Variants in ARHGAP15 observed in about 807,000 individuals in gnomAD.
The protein encoded by ARHGAP15 is rho GTPase-activating protein 15.
A neutral mutation model predicts 63.7 loss-of-function variants in ARHGAP15; 51 were observed. That is an observed-to-expected ratio of 0.80 (90% confidence interval 0.64 to 1.01). ARHGAP15 has a LOEUF of 1.01. Ranked by LOEUF, ARHGAP15 falls within the 50% of genes least tolerant of loss-of-function variation. ARHGAP15 has a pLI of 0.00. For synonymous variants in ARHGAP15, 191 were observed against 193.8 expected (o/e 0.99, Z 0.12); for missense variants, 560 against 564.6 (o/e 0.99, Z 0.08).
chr2:143,328,715 C>T (rs1478256371), intron 6 of ARHGAP15, among the ~76,000 whole-genome samples: 2 of 152,022 alleles, frequency 1.3e-5, no homozygotes, highest in Non-Finnish European at 2.9e-5. Flanking sequence ...CACGTGTATC[C>T]CAGAACTTAA....
chr2:143,703,502 G>C lies in ARHGAP15; in HGVS notation c.1222G>C (p.Val408Leu). The change falls in exon 13 of 14, where the codon GTC becomes CTC. Residue 408 changes from valine to leucine, a missense_variant. Physicochemically the swap from Val to Leu is conservative, Grantham distance 32. Transcript: ENST00000295095. ...LPPPNRDTMK[V>L]LFGHLTKIVA... is the part of the protein sequence containing the mutation. ...TCCGCCAAATCGTGACACCATGAAA[G>C]TCCTCTTTGGACATCTAACTAAGTA... is the stretch of plus-strand genomic sequence containing the variant. 6.2e-7 allele frequency: 1 copy of C among 1,611,136 alleles called. No individual in the cohort carries two copies. The highest frequency in any genetic ancestry group is 8.5e-7 in the Non-Finnish European group (1 of 1,178,724).
intron 6 of ARHGAP15, among the ~76,000 whole-genome samples, chr2:143,328,454 G>C (rs1324886458): frequency 6.6e-6 from 1 of 152,052 alleles, no homozygotes; most frequent in African/African-American, 2.4e-5. Flanking sequence ...GGATGAAGCT[G>C]GAAACCATCA....
intron 11 of ARHGAP15, chr2:143,597,815 A>T (rs1697582475): frequency 6.6e-6 from 1 of 152,182 alleles, no homozygotes; most frequent in South Asian, 2.1e-4. Flanking sequence ...CTGCCATAAC[A>T]AAACACTTAA....
chr2:143,350,374 T>C (rs542611574), intron 6 of ARHGAP15, among the ~76,000 whole-genome samples: 28 of 152,266 alleles, frequency 1.8e-4, no homozygotes, highest in African/African-American at 6.0e-4. Context: ...CTCATGAACA[T>C]AAGAAAACTG....
intron 2 of ARHGAP15, among the ~76,000 whole-genome samples, chr2:143,195,217 C>A (rs745678902): frequency 9.9e-5 from 15 of 151,102 alleles, no homozygotes; most frequent in African/African-American, 3.4e-4. Context: ...AGCCCCCCTC[C>A]CAAAAAAAAA....
intron 5 of ARHGAP15, among the ~76,000 whole-genome samples, chr2:143,242,240 T>C (rs552157967): frequency 1.3e-5 from 2 of 152,278 alleles, no homozygotes; most frequent in African/African-American, 4.8e-5. Flanking sequence ...AGTCTGGTAT[T>C]CCAAGAAGGT....
At chr2:143,468,921 C>G (rs1242526980) in intron 8 of ARHGAP15, among the ~76,000 whole-genome samples, 2 of 152,288 alleles carry the variant, frequency 1.3e-5, no homozygotes, top group South Asian at 4.1e-4. Flanking sequence ...TCTCTAACTT[C>G]TCTGCCCAGA....
At chr2:143,721,061 CAA>C (rs60500194) in intron 13 of ARHGAP15, among the ~76,000 whole-genome samples, 6 of 78,432 alleles carry the variant, frequency 7.6e-5, no homozygotes, top group African/African-American at 1.8e-4. Flanking sequence ...GACTCCGTCT[CAA>C]AAAAAAAAAA....
Position 143,649,488 on chromosome 2 carries a change from G to C in ARHGAP15, c.1138+25221G>C, listed in dbSNP as rs188711306. ...TGGGAGTTTATAACGCAAATGTAAA[G>C]ATTTGCTATGGGCTAAATCTCAACC... On this transcript the variant is annotated intron_variant, in intron 12 of 13. Coordinates refer to ENST00000295095, the MANE Select transcript of ARHGAP15 (RefSeq NM_018460.4). 2.6e-5 allele frequency among the ~76,000 whole-genome samples: 4 copies of C among 151,988 alleles called. 1 individual carries two copies. Among genetic ancestry groups the C allele is most frequent in the Admixed American group, 1.3e-4 (2 of 15,254 alleles).
chr2:143,405,335 T>C (rs1359426779), intron 6 of ARHGAP15, among the ~76,000 whole-genome samples: 2 of 151,880 alleles, frequency 1.3e-5, no homozygotes, highest in Non-Finnish European at 2.9e-5. Flanking sequence ...CAAATTTTGC[T>C]TATCATTTTG....
intron 6 of ARHGAP15, among the ~76,000 whole-genome samples, chr2:143,433,082 T>C (rs1689459275): frequency 6.6e-6 from 1 of 152,096 alleles, no homozygotes; most frequent in South Asian, 2.1e-4. Context: ...GCTAACATTC[T>C]TTACTGATGT....
At chr2:143,346,230 TCTCTCTCA>T (rs1558909707) in intron 6 of ARHGAP15, among the ~76,000 whole-genome samples, 36 of 42,106 alleles carry the variant, frequency 8.5e-4, no homozygotes, top group Admixed American at 1.1e-3. Context: ...TCACACACAC[TCTCTCTCA>T]CACACACACA....
chr2:143,389,791 A>G (rs1358237658), intron 6 of ARHGAP15, among the ~76,000 whole-genome samples: 1 of 152,120 alleles, frequency 6.6e-6, no homozygotes, highest in Non-Finnish European at 1.5e-5. Flanking sequence ...GAAGTTGTGA[A>G]ATATTATTTA....
intron 13 of ARHGAP15, among the ~76,000 whole-genome samples, chr2:143,750,113 T>A (rs1686314255): frequency 6.6e-6 from 1 of 152,194 alleles, no homozygotes; most frequent in South Asian, 2.1e-4. Context: ...ATAAAACAAT[T>A]GACAGAAAGA....
chr2:143,452,642 C>G (rs1690458911), intron 8 of ARHGAP15, among the ~76,000 whole-genome samples: 1 of 141,658 alleles, frequency 7.1e-6, no homozygotes, highest in Non-Finnish European at 1.5e-5. Context: ...GAGTCCTCAA[C>G]TGTGGCCCCT....
chr2:143,195,658 G>A (rs1219366481), intron 2 of ARHGAP15, among the ~76,000 whole-genome samples: 1 of 152,158 alleles, frequency 6.6e-6, no homozygotes, highest in Non-Finnish European at 1.5e-5. Context: ...ATTTATTGCT[G>A]CTTTTCATCC....
chr2:143,404,329 C>T (rs920287084), intron 6 of ARHGAP15, among the ~76,000 whole-genome samples: 2 of 151,826 alleles, frequency 1.3e-5, no homozygotes, highest in Non-Finnish European at 2.9e-5. Flanking sequence ...GAAGGCAAAA[C>T]ATTCTATGGA....
chr2:143,370,726 T>C (rs778884981), intron 6 of ARHGAP15, among the ~76,000 whole-genome samples: 11 of 152,210 alleles, frequency 7.2e-5, no homozygotes, highest in Non-Finnish European at 1.5e-4. Context: ...CTGTTCTATG[T>C]GGACTAGTAT....
intron 3 of ARHGAP15, among the ~76,000 whole-genome samples, chr2:143,215,745 G>A (rs1035849398): frequency 1.3e-5 from 2 of 152,122 alleles, no homozygotes; most frequent in Non-Finnish European, 2.9e-5. Context: ...ACACTTCTGC[G>A]GAGTTATAAT....
Sources: allele counts gnomAD v4.1 joint callset (sites outside exome capture counted in the v4.1 genomes callset), GRCh38; gene constraint gnomAD v4.1.1; transcripts MANE v1.5; gene names NCBI Gene and HGNC (gene_info 2026-07-23, HGNC 2026-07-21).